Variants in KDM1B observed in about 807,000 individuals in gnomAD.
KDM1B encodes the protein lysine demethylase 1B.
In KDM1B, 63 loss-of-function variants were observed where a neutral mutation model predicts 107.4. The observed-to-expected ratio is 0.59, with a 90% confidence interval of 0.48 to 0.72. The LOEUF is 0.72. Ranked by LOEUF, KDM1B falls within the 30% of genes least tolerant of loss-of-function variation. The pLI is 0.00. For synonymous variants in KDM1B, 363 were observed against 363.9 expected (o/e 1.00, Z 0.03); for missense variants, 749 against 1,020.8 (o/e 0.73, Z 3.63).
chr6:18,171,701 C>G (rs1315202279), intron 7 of KDM1B, among the ~76,000 whole-genome samples: 1 of 152,104 alleles, frequency 6.6e-6, no homozygotes, highest in Admixed American at 6.6e-5. Context: ...CATAGGCTGT[C>G]CAGGGTTGGT....
intron 7 of KDM1B, among the ~76,000 whole-genome samples, chr6:18,181,790 TAAAAA>T (rs1312770472): frequency 6.6e-6 from 1 of 151,688 alleles, no homozygotes; most frequent in South Asian, 2.1e-4. Flanking sequence ...CTTGAAAAAA[TAAAAA>T]AAACAAACTT....
rs1787956740 is a variant in KDM1B at position 18,200,396 on chromosome 6, C to T, written c.1222-43C>T. 1.3e-6 allele frequency: 2 copies of T among 1,589,494 alleles called. No homozygotes were observed. The highest frequency in any genetic ancestry group is 1.7e-6 in the Non-Finnish European group (2 of 1,165,074). ...TTTTATAATACTGTGTCTGATATAA[C>T]TCTTGTGTCCTATTTAGCTTCCCTG... On this transcript the variant is annotated intron_variant, in intron 12 of 21. Coordinates refer to ENST00000650836, the MANE Select transcript of KDM1B (RefSeq NM_001364614.2). This position sits in a 1 kb window ranked among gnomAD's most constrained non-coding sequence, Gnocchi z 4.3.
rs1787762954 is a variant in KDM1B at position 18,197,984 on chromosome 6, A to G, written c.1221+323A>G. On this transcript the variant is annotated intron_variant, in intron 12 of 21. Transcript: ENST00000650836. The surrounding 1 kb of genome is among the most constrained non-coding windows in gnomAD (Gnocchi z 4.5). ...TCTGTCGCCCAGGCTGGAGTGCAGC[A>G]GTGCGATCTCAGCTCACCGCAACCT... Among the ~76,000 whole-genome samples, 1 of 147,026 alleles carries G rather than the reference A, an allele frequency of 6.8e-6. No individual in the cohort carries two copies. The highest frequency in any genetic ancestry group is 2.1e-4 in the South Asian group (1 of 4,664).
At position 18,209,973 on chromosome 6, in the gene KDM1B, C is replaced by G. The variant is rs1788711766; in HGVS notation, c.1866+1767C>G. The stretch of plus-strand genomic sequence containing the variant: ...TAGCTCCACTTCTTGGTGTCCAGGA[C>G]AGCAAGCTGGTTTTAACTCCCCTGC... On this transcript the variant is annotated intron_variant, in intron 17 of 21. Coordinates refer to ENST00000650836, the MANE Select transcript of KDM1B (RefSeq NM_001364614.2). This position sits in a 1 kb window ranked among gnomAD's most constrained non-coding sequence, Gnocchi z 4.3. Among the ~76,000 whole-genome samples the G allele has an allele frequency of 1.3e-5, 2 of 152,184 alleles. No individual in the cohort carries two copies. Among genetic ancestry groups the G allele is most frequent in the Admixed American group, 1.3e-4 (2 of 15,274 alleles).
At position 18,172,413 on chromosome 6, in the gene KDM1B, G is replaced by T. The variant is rs1400211157; in HGVS notation, c.534+934G>T. 6.6e-6 allele frequency among the ~76,000 whole-genome samples: 1 copy of T among 152,152 alleles called. No individual in the cohort carries two copies. The highest frequency in any genetic ancestry group is 2.4e-5 in the African/African-American group (1 of 41,424). The stretch of plus-strand genomic sequence containing the variant: ...ACCCTTTTAAAGCATACAATTGAGT[G>T]GCTGTGGTGCAGGTTGAGCACCCTA... On this transcript the variant is annotated intron_variant, in intron 7 of 21. Coordinates refer to ENST00000650836, the MANE Select transcript of KDM1B (RefSeq NM_001364614.2). The surrounding 1 kb of genome is among the most constrained non-coding windows in gnomAD (Gnocchi z 5.2).
chr6:18,218,287 A>T (rs1582224700), intron 21 of KDM1B, among the ~76,000 whole-genome samples: 1 of 149,618 alleles, frequency 6.7e-6, no homozygotes, highest in Non-Finnish European at 1.5e-5. Flanking sequence ...AGCCTGGCTA[A>T]TTTTTTTTTT....
chr6:18,175,257 CAT>C (rs1394013709), intron 7 of KDM1B, among the ~76,000 whole-genome samples: 5 of 152,170 alleles, frequency 3.3e-5, no homozygotes, highest in Non-Finnish European at 1.5e-5. Flanking sequence ...AGCATTTTTT[CAT>C]ATGTTTGTTG....
chr6:18,165,922 G>A (rs1785268271), intron 5 of KDM1B, among the ~76,000 whole-genome samples: 1 of 152,154 alleles, frequency 6.6e-6, no homozygotes, highest in Non-Finnish European at 1.5e-5. Flanking sequence ...TTGGGAGTTC[G>A]AGGTTGCAGC....
chr6:18,202,030 C>T (rs1207149845), intron 14 of KDM1B, among the ~76,000 whole-genome samples: 1 of 152,044 alleles, frequency 6.6e-6, no homozygotes. Context: ...TTTGTGTGTG[C>T]CAGGATTTCT....
In KDM1B at chr6:18,179,836, A is replaced by ACTAGATATTTTTTCTT. The variant is rs369714077; in HGVS notation, c.535-5936_535-5935insCTAGATATTTTTTCTT. Among the ~76,000 whole-genome samples the ACTAGATATTTTTTCTT allele has an allele frequency of 2.3e-4, 19 of 83,518 alleles. 9 individuals carry two copies. Among genetic ancestry groups the ACTAGATATTTTTTCTT allele is most frequent in the Admixed American group, 2.9e-4 (2 of 6,784 alleles). 54.8% of individuals were successfully genotyped at this position (83,518 alleles called of 152,430 possible). A position where few individuals can be genotyped will look rare whatever the true frequency, so the allele number is the denominator to read the frequency against. On this transcript the variant is annotated intron_variant, in intron 7 of 21. Transcript: ENST00000650836. ...CTATTCCAAAATCTTTCAATTTAGC[A>ACTAGATATTTTTTCTT]TTGGTTTTTTTTCCTTTTTTTTTTT...
Position 18,191,482 on chromosome 6 carries a change from T to A in KDM1B, c.969+101T>A. ...GGATGGAACCTTTTATGCCAGGGTTTCTCAGCCGTGCCTCTGTTGACAATT... is the reference window on the plus strand; with the variant it reads ...GGATGGAACCTTTTATGCCAGGGTTACTCAGCCGTGCCTCTGTTGACAATT... On this transcript the variant is annotated intron_variant, in intron 10 of 21. Coordinates refer to ENST00000650836, the MANE Select transcript of KDM1B (RefSeq NM_001364614.2). The surrounding 1 kb of genome is among the most constrained non-coding windows in gnomAD (Gnocchi z 5.1). The A allele has an allele frequency of 7.8e-7, 1 of 1,280,986 alleles. No individual in the cohort carries two copies. The highest frequency in any genetic ancestry group is 1.1e-6 in the Non-Finnish European group (1 of 936,906). The allele number at this position is 1,280,986 out of a possible 1,614,324, so 79.4% of individuals were successfully genotyped here.
At chr6:18,163,055 T>C (rs1785070925) in intron 5 of KDM1B, 131 bp downstream of exon 5, 1 of 622,910 alleles carries the variant, frequency 1.6e-6, no homozygotes. Context: ...ATGCCTGTGA[T>C]GACTGTAACT....
At chr6:18,165,028 A>G (rs1482556014) in intron 5 of KDM1B, among the ~76,000 whole-genome samples, 3 of 151,016 alleles carry the variant, frequency 2.0e-5, no homozygotes, top group Non-Finnish European at 4.4e-5. Flanking sequence ...TATGCTATTC[A>G]TGTTTTAAGT....
chr6:18,208,341 TG>T, intron 17 of KDM1B, 135 bp downstream of exon 17: 1 of 634,484 alleles, frequency 1.6e-6, no homozygotes, highest in Non-Finnish European at 2.8e-6. Context: ...TGGTAAGTTA[TG>T]TATCTCTACT....
intron 21 of KDM1B, among the ~76,000 whole-genome samples, chr6:18,218,901 TA>T (rs1163445024): frequency 6.6e-6 from 1 of 152,054 alleles, no homozygotes; most frequent in Non-Finnish European, 1.5e-5. Context: ...TATTTTATTT[TA>T]AATTTTATTT....
At chr6:18,220,252 G>T (rs796314923) in intron 21 of KDM1B, among the ~76,000 whole-genome samples, 2 of 152,286 alleles carry the variant, frequency 1.3e-5, no homozygotes, top group African/African-American at 4.8e-5. Flanking sequence ...TACCGTTTTT[G>T]TTTACAGAAG....
At position 18,212,754 on chromosome 6, in the gene KDM1B, ACAGAAGAAT is replaced by A; in HGVS notation, c.1983+151_1983+159del. ...ATTTGAGTAATTGTTCGTGAAGAAC[ACAGAAGAAT>A]ATTATCAAAACGAAAGGAGGAGAGC... On this transcript the variant is annotated intron_variant, in intron 18 of 21. Transcript: ENST00000650836. This position sits in a 1 kb window ranked among gnomAD's most constrained non-coding sequence, Gnocchi z 5.2. 3.0e-6 allele frequency: 2 copies of A among 659,938 alleles called. No individual in the cohort carries two copies. Among genetic ancestry groups the A allele is most frequent in the Non-Finnish European group, 5.4e-6 (2 of 370,542 alleles). The allele number at this position is 659,938 out of a possible 1,614,324, so 40.9% of individuals were successfully genotyped here.
Position 18,155,844 on chromosome 6 carries a change from G to C in KDM1B, c.-57-39G>C, listed in dbSNP as rs1040955232. On this transcript the variant is annotated intron_variant, in intron 1 of 21. Transcript: ENST00000650836. The surrounding 1 kb of genome is among the most constrained non-coding windows in gnomAD (Gnocchi z 6.2). ...TCGCCGGGTTCGTCGCGATGTTGCC[G>C]GTCGGCTAACCCCCCTACAATGTTT... The C allele has an allele frequency of 1.3e-5, 2 of 152,276 alleles. No homozygotes were observed. The highest frequency in any genetic ancestry group is 4.1e-4 in the South Asian group (2 of 4,836). 9.4% of individuals were successfully genotyped at this position (152,276 alleles called of 1,614,324 possible). A position where few individuals can be genotyped will look rare whatever the true frequency, so the allele number is the denominator to read the frequency against.
intron 7 of KDM1B, among the ~76,000 whole-genome samples, chr6:18,177,966 T>C (rs1196653311): frequency 6.6e-6 from 1 of 152,186 alleles, no homozygotes; most frequent in Non-Finnish European, 1.5e-5. Flanking sequence ...CTTTTTGAGG[T>C]TAATGTCTCC....
Sources: allele counts gnomAD v4.1 joint callset (sites outside exome capture counted in the v4.1 genomes callset), GRCh38; gene constraint gnomAD v4.1.1; non-coding constraint Gnocchi (gnomAD v3.1); transcripts MANE v1.5; gene names NCBI Gene and HGNC (gene_info 2026-07-23, HGNC 2026-07-21).